WNT2B: variants seen among roughly 807,000 people sequenced by gnomAD.
WNT2B encodes the protein protein Wnt-2b.
WNT2B carries 19 observed loss-of-function variants against 40.5 expected under a neutral mutation model. That is an observed-to-expected ratio of 0.47 (90% confidence interval 0.33 to 0.69). WNT2B has a LOEUF of 0.69. WNT2B is among the 30% of genes least tolerant of loss of function. The probability of loss-of-function intolerance (pLI) is 0.02; values close to 1 mark genes in which losing one functional copy is unlikely to be tolerated. For missense variants in WNT2B, 467 were observed against 556.4 expected (o/e 0.84, Z 1.62); for synonymous variants, 220 against 211.9 (o/e 1.04, Z -0.33).
rs938954122 is a variant in WNT2B, at chr1:112,522,049, G to C, written c.*1540G>C. The C allele has an allele frequency of 7.2e-5, 11 of 151,786 alleles. No individual in the cohort carries two copies. Among genetic ancestry groups the C allele is most frequent in the African/African-American group, 2.7e-4 (11 of 41,250 alleles). 9.4% of individuals were successfully genotyped at this position (151,786 alleles called of 1,614,324 possible). Reference sequence around the variant, plus strand: ...TTTTTCTTTCTTTTTATTTCTTTTAGAGATAGGGTCTCGCTTTGTTGCCCA... The same window carrying C: ...TTTTTCTTTCTTTTTATTTCTTTTACAGATAGGGTCTCGCTTTGTTGCCCA... On this transcript the variant is annotated 3_prime_UTR_variant, in exon 5 of 5. Coordinates refer to ENST00000369684, the MANE Select transcript of WNT2B (RefSeq NM_024494.3).
At position 112,488,553 on chromosome 1, in the gene WNT2B, GTT is replaced by G. The variant is rs561016335; in HGVS notation, c.-95+20977_-95+20978del. Among the ~76,000 whole-genome samples, 763 of 133,814 alleles carry G rather than the reference GTT, an allele frequency of 5.7e-3. 8 individuals are homozygous for G. The highest frequency in any genetic ancestry group is 0.02 in the African/African-American group (712 of 36,468). The allele number at this position is 133,814 out of a possible 152,430, so 87.8% of individuals were successfully genotyped here. On this transcript the variant is annotated intron_variant, in intron 1 of 4. Transcript: ENST00000256640. Reference sequence around the variant, plus strand: ...CTCCTTCCTTCTTTATTTACTTACTGTTTTTTTTTTTTTTTTGAGATAGAGTC... The same window carrying G: ...CTCCTTCCTTCTTTATTTACTTACTGTTTTTTTTTTTTTTGAGATAGAGTC...
chr1:112,520,242 G>A (rs1652794305), intron 4 of WNT2B, 38 bp from the exon 5 acceptor site: 14 of 1,584,400 alleles, frequency 8.8e-6, no homozygotes, highest in African/African-American at 1.3e-5. Context: ...CAGCTGAAGA[G>A]ATAACTTTGT....
chr1:112,518,197 T>G (rs1403947404), intron 4 of WNT2B: 1 of 152,212 alleles, frequency 6.6e-6, no homozygotes. Context: ...GTTGATATGG[T>G]TTTTCCCCAA....
Position 112,515,502 on chromosome 1 carries a change from CAGAA to C in WNT2B, c.403+411_403+414del, listed in dbSNP as rs1652494428. Among the ~76,000 whole-genome samples the C allele has an allele frequency of 6.6e-6, 1 of 152,178 alleles. No individual in the cohort carries two copies. ...TACAGTAATGGGAACAAAAGATAAA[CAGAA>C]AGGTGATATGTAAATATTTGGAGAG... On this transcript the variant is annotated intron_variant, in intron 2 of 4. Coordinates refer to ENST00000369684, the MANE Select transcript of WNT2B (RefSeq NM_024494.3). This position sits in a 1 kb window ranked among gnomAD's most constrained non-coding sequence, Gnocchi z 4.4.
chr1:112,478,783 T>A lies in WNT2B; in HGVS notation c.-95+11192T>A, dbSNP rs147116339. ...AAAAAAAATTTAAAAATTAGCCAGG[T>A]GTGGTGACACACTCCTGTAGTCCCA... On this transcript the variant is annotated intron_variant, in intron 1 of 4. Transcript: ENST00000256640. Among the ~76,000 whole-genome samples, 285 of 152,022 alleles carry A rather than the reference T, an allele frequency of 1.9e-3. 1 individual carries two copies. Among genetic ancestry groups the A allele is most frequent in the African/African-American group, 6.6e-3 (275 of 41,446 alleles).
upstream of WNT2B, among the ~76,000 whole-genome samples, chr1:112,506,643 G>A (rs1036419204): frequency 6.6e-6 from 1 of 152,186 alleles, no homozygotes; most frequent in African/African-American, 2.4e-5. Context: ...TCCAAGGAAA[G>A]AGGCCCAGCC....
rs1654129727 is a variant in WNT2B at position 112,530,123 on chromosome 1, T to TAGAGA, written c.*9617_*9621dup. On this transcript the variant is annotated 3_prime_UTR_variant, in exon 5 of 5. Coordinates refer to ENST00000369684, the MANE Select transcript of WNT2B (RefSeq NM_024494.3). ...AAGCTCAGAGAAGTGAGCGACAAGC[T>TAGAGA]AGAGAAGTAATAATTACCAATAAAG... 1 of 152,230 alleles carries TAGAGA rather than the reference T, an allele frequency of 6.6e-6. No homozygotes were observed. Among genetic ancestry groups the TAGAGA allele is most frequent in the East Asian group, 1.9e-4 (1 of 5,196 alleles). 9.4% of individuals were successfully genotyped at this position (152,230 alleles called of 1,614,324 possible).
intron 1 of WNT2B, among the ~76,000 whole-genome samples, chr1:112,485,740 C>T (rs1197479844): frequency 2.6e-5 from 4 of 152,188 alleles, no homozygotes; most frequent in East Asian, 3.9e-4. Flanking sequence ...GATATATTTT[C>T]GACCTAAATG....
At position 112,484,220 on chromosome 1, in the gene WNT2B, CAT is replaced by C. The variant is rs571005540; in HGVS notation, c.-95+16639_-95+16640del. On this transcript the variant is annotated intron_variant, in intron 1 of 4. Coordinates refer to the WNT2B transcript ENST00000256640. Reference sequence around the variant, plus strand: ...TCCAAAAATTTTATATATATATACACATATATATATACACATATATATACACA... The same window carrying C: ...TCCAAAAATTTTATATATATATACACATATATATACACATATATATACACA... Among the ~76,000 whole-genome samples the C allele has an allele frequency of 1.6e-3, 190 of 122,176 alleles. 1 individual carries two copies. The highest frequency in any genetic ancestry group is 0.012 in the Middle Eastern group (3 of 250). The allele number at this position is 122,176 out of a possible 152,430, so 80.2% of individuals were successfully genotyped here.
chr1:112,472,173 A>G (rs1202383777), intron 1 of WNT2B, among the ~76,000 whole-genome samples: 2 of 152,194 alleles, frequency 1.3e-5, no homozygotes, highest in Non-Finnish European at 2.9e-5. Flanking sequence ...CAGGAAGGAG[A>G]ATTCCAGGCA....
intron 4 of WNT2B, among the ~76,000 whole-genome samples, chr1:112,519,587 T>C (rs1570802334): frequency 6.6e-6 from 1 of 152,288 alleles, no homozygotes; most frequent in East Asian, 1.9e-4. Context: ...ACATGATCCC[T>C]ATCCTAGAGT....
chr1:112,526,332 C>A lies in WNT2B; in HGVS notation c.*5823C>A, dbSNP rs1653384793. On this transcript the variant is annotated 3_prime_UTR_variant, in exon 5 of 5. Transcript: ENST00000369684. ...AACAACTCTGGCTCCTAATTCTACTCCTTTTTTCCCCTTCAGATTAACATT... is the reference window on the plus strand; with the variant it reads ...AACAACTCTGGCTCCTAATTCTACTACTTTTTTCCCCTTCAGATTAACATT... 2 of 459,844 alleles carry A rather than the reference C, an allele frequency of 4.3e-6. No individual in the cohort carries two copies. Among genetic ancestry groups the A allele is most frequent in the Non-Finnish European group, 7.6e-6 (2 of 263,540 alleles). 28.5% of individuals were successfully genotyped at this position (459,844 alleles called of 1,614,324 possible). A position where few individuals can be genotyped will look rare whatever the true frequency, so the allele number is the denominator to read the frequency against.
At chr1:112,467,955 C>T (rs1341842129) in intron 1 of WNT2B, among the ~76,000 whole-genome samples, 2 of 152,108 alleles carry the variant, frequency 1.3e-5, no homozygotes, top group African/African-American at 2.4e-5. Flanking sequence ...CTCTTCATTC[C>T]CCTCCCACCA....
In WNT2B at chr1:112,516,417, G is replaced by A. The variant is rs766433530; in HGVS notation, c.681G>A (p.Thr227=). 7 of 1,609,992 alleles carry A rather than the reference G, an allele frequency of 4.3e-6. No individual in the cohort carries two copies. Among genetic ancestry groups the A allele is most frequent in the East Asian group, 2.2e-5 (1 of 44,814 alleles). ...MNLHNNRCGR[T]AVRRFLKLEC... ...TACATAATAACCGCTGTGGTCGCAC[G>A]GTCAGTACTCATGTCTGTGTAAGTA... Residue 227 remains threonine, a splice_region_variant and synonymous_variant, in exon 3 of 5, where the codon ACG becomes ACA. Transcript: ENST00000369684.
chr1:112,480,365 CA>C (rs10709816), intron 1 of WNT2B, among the ~76,000 whole-genome samples: 71,268 of 91,572 alleles, frequency 0.78, 26,814 homozygotes, highest in East Asian at 0.89. Context: ...GACTCCGTCT[CA>C]AAAAAAAAAA....
rs1652898789 is a variant in WNT2B at position 112,521,841 on chromosome 1, C to T, written c.*1332C>T. ...ATGTCCTATTTTTATGTGAGTTGGACAGTGGTTATCTTTTGCCTGTTGATA... is the reference window on the plus strand; with the variant it reads ...ATGTCCTATTTTTATGTGAGTTGGATAGTGGTTATCTTTTGCCTGTTGATA... On this transcript the variant is annotated 3_prime_UTR_variant, in exon 5 of 5. Coordinates refer to ENST00000369684, the MANE Select transcript of WNT2B (RefSeq NM_024494.3). 2 of 152,168 alleles carry T rather than the reference C, an allele frequency of 1.3e-5. No homozygotes were observed. The highest frequency in any genetic ancestry group is 4.1e-4 in the South Asian group (2 of 4,826). The allele number at this position is 152,168 out of a possible 1,614,324, so 9.4% of individuals were successfully genotyped here.
chr1:112,485,217 T>A (rs768146453), intron 1 of WNT2B, among the ~76,000 whole-genome samples: 36 of 152,308 alleles, frequency 2.4e-4, no homozygotes, highest in South Asian at 2.1e-3. Context: ...TCCCAGCACT[T>A]TGGGAGGCCA....
chr1:112,473,540 A>G (rs576972416), intron 1 of WNT2B, among the ~76,000 whole-genome samples: 1 of 151,574 alleles, frequency 6.6e-6, no homozygotes, highest in South Asian at 2.1e-4. Flanking sequence ...GCAATCCATA[A>G]TAAAACACAG....
chr1:112,498,971 G>A (rs1037367613), intron 1 of WNT2B, among the ~76,000 whole-genome samples: 3 of 152,160 alleles, frequency 2.0e-5, no homozygotes, highest in Admixed American at 2.0e-4. Flanking sequence ...ACTTTGGGAG[G>A]CCGAGGCAGG....
Sources: allele counts gnomAD v4.1 joint callset (sites outside exome capture counted in the v4.1 genomes callset), GRCh38; gene constraint gnomAD v4.1.1; non-coding constraint Gnocchi (gnomAD v3.1); transcripts MANE v1.5; gene names NCBI Gene and HGNC (gene_info 2026-07-23, HGNC 2026-07-21).